Variants in GPM6A observed in about 807,000 individuals in gnomAD.
The protein encoded by GPM6A is neuronal membrane glycoprotein M6-a.
A neutral mutation model predicts 32.1 loss-of-function variants in GPM6A; 7 were observed. The ratio of observed to expected loss-of-function variants is 0.22; its 90% CI spans 0.12 to 0.41. The LOEUF is 0.41. GPM6A is among the 10% of genes least tolerant of loss of function. GPM6A has a pLI of 1.00. For synonymous variants in GPM6A, 130 were observed against 123.4 expected, an observed-to-expected ratio of 1.05 and a Z score of -0.35; for missense variants, 235 against 347.2, an observed-to-expected ratio of 0.68 and a Z score of 2.57.
intron 2 of GPM6A, among the ~76,000 whole-genome samples, chr4:175,688,987 G>A (rs1744143708): frequency 6.6e-6 from 1 of 152,060 alleles, no homozygotes; most frequent in Non-Finnish European, 1.5e-5. Flanking sequence ...TGAGCAGCTT[G>A]GACTACAGGC....
intron 3 of GPM6A, among the ~76,000 whole-genome samples, chr4:175,664,083 A>T (rs1014237435): frequency 1.3e-5 from 2 of 152,198 alleles, no homozygotes; most frequent in Non-Finnish European, 2.9e-5. Context: ...AAGTGAAAGA[A>T]GCCAATCTGA....
intron 1 of GPM6A, among the ~76,000 whole-genome samples, chr4:175,939,545 C>T (rs1739341603): frequency 1.3e-5 from 2 of 152,156 alleles, no homozygotes; most frequent in African/African-American, 4.8e-5. Context: ...AGAGAGGCCA[C>T]TCTTCACCAA....
At chr4:175,674,871 T>G (rs1319151167) in intron 2 of GPM6A, among the ~76,000 whole-genome samples, 1 of 151,878 alleles carries the variant, frequency 6.6e-6, no homozygotes, top group African/African-American at 2.4e-5. Flanking sequence ...CTTTTCATTT[T>G]CTCACAATTG....
chr4:176,000,157 C>T (rs115689415), intron 1 of GPM6A, among the ~76,000 whole-genome samples: 1 of 152,174 alleles, frequency 6.6e-6, no homozygotes, highest in African/African-American at 2.4e-5. Flanking sequence ...GCTTCCTCTA[C>T]TTCCATCTAA....
At position 175,777,829 on chromosome 4, in the gene GPM6A, A is replaced by G. The variant is rs114725158; in HGVS notation, c.37+34362T>C. 2.1e-3 allele frequency among the ~76,000 whole-genome samples: 318 copies of G among 152,316 alleles called. 2 individuals carry two copies. The highest frequency in any genetic ancestry group is 7.2e-3 in the African/African-American group (298 of 41,586). On this transcript the variant is annotated intron_variant, in intron 1 of 6. Coordinates refer to ENST00000393658, the MANE Select transcript of GPM6A (RefSeq NM_201591.3). ...AGACCATAGGAATTTATTCAATTGT[A>G]AAAAATAACTAATAAAAAATTTTTT...
chr4:175,817,659 C>A (rs184770282), intron 1 of GPM6A, among the ~76,000 whole-genome samples: 135 of 152,082 alleles, frequency 8.9e-4, no homozygotes, highest in African/African-American at 3.1e-3. Flanking sequence ...AAGGGGGAGG[C>A]AGATTGTTGG....
At chr4:175,905,683 C>T (rs1157944988) in intron 1 of GPM6A, among the ~76,000 whole-genome samples, 1 of 151,928 alleles carries the variant, frequency 6.6e-6, no homozygotes, top group Admixed American at 6.6e-5. Flanking sequence ...TGCCAAAGTG[C>T]TATATTTTGG....
intron 1 of GPM6A, among the ~76,000 whole-genome samples, chr4:175,810,097 T>C (rs554203809): frequency 6.6e-6 from 1 of 152,224 alleles, no homozygotes; most frequent in Non-Finnish European, 1.5e-5. Flanking sequence ...TTTAGACAGA[T>C]CATTAAGTCT....
At chr4:175,781,099 T>C (rs1733596517) in intron 1 of GPM6A, 2 of 151,034 alleles carry the variant, frequency 1.3e-5, no homozygotes, top group Non-Finnish European at 2.9e-5. Flanking sequence ...AAGCAGCCTA[T>C]AAATGCAGCA....
intron 1 of GPM6A, among the ~76,000 whole-genome samples, chr4:175,804,142 T>G (rs893444374): frequency 2.6e-5 from 4 of 152,192 alleles, no homozygotes; most frequent in African/African-American, 9.7e-5. Flanking sequence ...GTTCCATTGT[T>G]CAAACATTGC....
chr4:175,719,468 A>G (rs1167311494), intron 1 of GPM6A, among the ~76,000 whole-genome samples: 2 of 152,170 alleles, frequency 1.3e-5, no homozygotes, highest in African/African-American at 4.8e-5. Context: ...ATTCTCAAAT[A>G]TTTCCTACAT....
chr4:175,750,190 C>T (rs1442525867), intron 1 of GPM6A, among the ~76,000 whole-genome samples: 4 of 152,096 alleles, frequency 2.6e-5, no homozygotes, highest in African/African-American at 4.8e-5. Flanking sequence ...CCCCCAGTAG[C>T]TGGGATTACA....
intron 1 of GPM6A, among the ~76,000 whole-genome samples, chr4:175,899,468 A>T (rs1737886851): frequency 6.6e-6 from 1 of 152,212 alleles, no homozygotes; most frequent in Non-Finnish European, 1.5e-5. Flanking sequence ...GCTAACTTCA[A>T]ATTATACTAC....
At chr4:175,944,370 G>A (rs574638013) in intron 1 of GPM6A, among the ~76,000 whole-genome samples, 1 of 152,294 alleles carries the variant, frequency 6.6e-6, no homozygotes, top group South Asian at 2.1e-4. Flanking sequence ...AGGAAAGCAT[G>A]AGTGCAAAAG....
intron 2 of GPM6A, among the ~76,000 whole-genome samples, chr4:175,687,983 T>A (rs1168473313): frequency 3.3e-5 from 5 of 152,232 alleles, no homozygotes; most frequent in African/African-American, 1.2e-4. Context: ...TTGTAAGTCT[T>A]CTTTGGAGAA....
chr4:175,790,173 A>G (rs1733956815), intron 1 of GPM6A: 1 of 151,978 alleles, frequency 6.6e-6, no homozygotes, highest in African/African-American at 2.4e-5. Flanking sequence ...CCAATTTGCC[A>G]TTATCTACAC....
intron 1 of GPM6A, among the ~76,000 whole-genome samples, chr4:175,997,679 GA>G (rs893042232): frequency 1.5e-4 from 22 of 150,584 alleles, no homozygotes; most frequent in African/African-American, 4.6e-4. Flanking sequence ...TAGTTTTCCT[GA>G]AAAAAAAGGT....
At chr4:175,671,970 T>A (rs1214236577) in intron 3 of GPM6A, among the ~76,000 whole-genome samples, 1 of 143,330 alleles carries the variant, frequency 7.0e-6, no homozygotes, top group Non-Finnish European at 1.5e-5. Flanking sequence ...GGTGACACAA[T>A]TGTTACCATT....
intron 3 of GPM6A, among the ~76,000 whole-genome samples, chr4:175,667,013 A>G (rs1742790463): frequency 6.6e-6 from 1 of 152,234 alleles, no homozygotes; most frequent in Non-Finnish European, 1.5e-5. Context: ...AGAGGGCATC[A>G]CATTCTACAA....
Sources: allele counts gnomAD v4.1 joint callset (sites outside exome capture counted in the v4.1 genomes callset), GRCh38; gene constraint gnomAD v4.1.1; transcripts MANE v1.5; gene names NCBI Gene and HGNC (gene_info 2026-07-23, HGNC 2026-07-21).